Variants in ARHGAP25 observed in about 807,000 individuals in gnomAD.
The protein encoded by ARHGAP25 is Rho GTPase activating protein 25.
In ARHGAP25, 34 loss-of-function variants were observed where a neutral mutation model predicts 71.0. That is an observed-to-expected ratio of 0.48 (90% CI 0.36 to 0.64). The LOEUF (loss-of-function observed/expected upper bound fraction) is 0.64, where lower values mean the gene tolerates loss of function less well. ARHGAP25 is among the 30% of genes least tolerant of loss of function. The pLI, the probability that ARHGAP25 is intolerant of heterozygous loss-of-function variation, is 0.00. For synonymous variants in ARHGAP25, 282 were observed against 296.5 expected (o/e 0.95, Z 0.50); for missense variants, 706 against 805.1 (o/e 0.88, Z 1.49).
In ARHGAP25 at chr2:68,826,202, A is replaced by C; in HGVS notation, c.*8A>C. 1 of 1,613,284 alleles carries C rather than the reference A, an allele frequency of 6.2e-7. No homozygotes were observed. Among genetic ancestry groups the C allele is most frequent in the Non-Finnish European group, 8.5e-7 (1 of 1,179,184 alleles). On this transcript the variant is annotated 3_prime_UTR_variant, in exon 11 of 11. Transcript: ENST00000409202. ...CCCAAGACCGAGGCTTAAGGGTCCC[A>C]GGAGTACTGCAGGGACAGCCCCAGA... is the stretch of plus-strand genomic sequence containing the variant.
intron 1 of ARHGAP25, among the ~76,000 whole-genome samples, chr2:68,749,700 TA>T (rs1401749533): frequency 6.6e-6 from 1 of 152,140 alleles, no homozygotes; most frequent in Non-Finnish European, 1.5e-5. Flanking sequence ...TGGGGAGGTT[TA>T]AAAAAATTCA....
At chr2:68,753,857 G>A (rs1676323613) in intron 1 of ARHGAP25, among the ~76,000 whole-genome samples, 2 of 151,888 alleles carry the variant, frequency 1.3e-5, no homozygotes, top group South Asian at 4.1e-4. Flanking sequence ...TGCAATAAAT[G>A]TGAGCAAATG....
At chr2:68,736,474 C>T (rs1165076320) in intron 1 of ARHGAP25, among the ~76,000 whole-genome samples, 1 of 152,160 alleles carries the variant, frequency 6.6e-6, no homozygotes, top group Non-Finnish European at 1.5e-5. Flanking sequence ...TGGTTCTGTT[C>T]CTTTGAAAGT....
At position 68,751,021 on chromosome 2, in the gene ARHGAP25, T is replaced by C. The variant is rs114838735; in HGVS notation, c.61+15761T>C. The stretch of plus-strand genomic sequence containing the variant: ...CAGCTGACATTTATTTCACCCGCTT[T>C]AAGCACGAATTACCTGTGGAGTATC... On this transcript the variant is annotated intron_variant, in intron 1 of 10. Transcript: ENST00000409202. Among the ~76,000 whole-genome samples, 324 of 152,372 alleles carry C rather than the reference T, an allele frequency of 2.1e-3. 2 individuals carry two copies. The highest frequency in any genetic ancestry group is 7.1e-3 in the African/African-American group (296 of 41,594).
At chr2:68,818,980 G>C (rs1681436103) in intron 8 of ARHGAP25, 143 bp from the exon 9 acceptor site, 2 of 633,112 alleles carry the variant, frequency 3.2e-6, no homozygotes, top group South Asian at 5.7e-5. Context: ...CAATTAAAAA[G>C]GGTCTTTTGA....
intron 10 of ARHGAP25, among the ~76,000 whole-genome samples, chr2:68,824,797 G>A (rs1681994276): frequency 6.6e-6 from 1 of 152,128 alleles, no homozygotes; most frequent in African/African-American, 2.4e-5. Context: ...GCTTTAAGAA[G>A]AGATAGGTGG....
intron 4 of ARHGAP25, among the ~76,000 whole-genome samples, chr2:68,802,528 T>G (rs1409922657): frequency 2.0e-5 from 3 of 152,114 alleles, no homozygotes; most frequent in African/African-American, 7.2e-5. Flanking sequence ...GTACCTTGTA[T>G]TAATGGCTTT....
intron 1 of ARHGAP25, among the ~76,000 whole-genome samples, chr2:68,757,293 A>G (rs1196320786): frequency 6.6e-6 from 1 of 152,200 alleles, no homozygotes; most frequent in Admixed American, 6.5e-5. Context: ...TTGATGAAAG[A>G]CATGAATATA....
intron 3 of ARHGAP25, among the ~76,000 whole-genome samples, chr2:68,784,158 T>G (rs987712343): frequency 3.3e-5 from 5 of 151,896 alleles, no homozygotes; most frequent in Admixed American, 6.6e-5. Context: ...TCTCTCTCTT[T>G]CGCTCTCTCT....
intron 5 of ARHGAP25, among the ~76,000 whole-genome samples, chr2:68,812,446 G>A (rs756074614): frequency 6.6e-4 from 100 of 152,252 alleles, no homozygotes; most frequent in African/African-American, 1.7e-3. Flanking sequence ...ACGGGGAGGC[G>A]TCCTCTCCTC....
intron 8 of ARHGAP25, among the ~76,000 whole-genome samples, chr2:68,818,478 C>T (rs1172128291): frequency 6.6e-6 from 1 of 152,174 alleles, no homozygotes; most frequent in Non-Finnish European, 1.5e-5. Flanking sequence ...CAGGCATAAA[C>T]CCCCACACCC....
Position 68,826,824 on chromosome 2 carries a change from A to AC in ARHGAP25, c.*630_*631insC, listed in dbSNP as rs1682168743. 7.0e-6 allele frequency: 1 copy of AC among 142,170 alleles called. No homozygotes were observed. The allele number at this position is 142,170 out of a possible 1,614,324, so 8.8% of individuals were successfully genotyped here. On this transcript the variant is annotated 3_prime_UTR_variant, in exon 11 of 11. Transcript: ENST00000409202. Reference sequence around the variant, plus strand: ...ATTATATTCAAATAAAGCAAAAATTAAAAAAAAAAGGCTATTGCTAATCCA... The same window carrying AC: ...ATTATATTCAAATAAAGCAAAAATTACAAAAAAAAAGGCTATTGCTAATCCA...
chr2:68,775,059 C>CG (rs1168954189), intron 1 of ARHGAP25, 162 bp from the exon 2 acceptor site: 68 of 1,528,150 alleles, frequency 4.4e-5, no homozygotes, highest in Middle Eastern at 2.1e-4. Context: ...TTCTCTGGCT[C>CG]GGGGGGGACT....
At chr2:68,825,670 G>C (rs1191426456) in intron 10 of ARHGAP25, among the ~76,000 whole-genome samples, 1 of 152,052 alleles carries the variant, frequency 6.6e-6, no homozygotes, top group Non-Finnish European at 1.5e-5. Context: ...AGCTACTAGG[G>C]AGGCTGAGGA....
At chr2:68,821,095 T>TTC (rs1553411129) in intron 9 of ARHGAP25, among the ~76,000 whole-genome samples, 1 of 130,670 alleles carries the variant, frequency 7.7e-6, no homozygotes, top group African/African-American at 2.7e-5. Context: ...TTTCTTTCTT[T>TTC]TTTTTTTTTT....
chr2:68,775,816 A>G (rs1677855481), intron 2 of ARHGAP25: 1 of 391,488 alleles, frequency 2.6e-6, no homozygotes, highest in Non-Finnish European at 5.0e-6. Flanking sequence ...ACACTGTTCT[A>G]GGTACTTGAA....
Position 68,822,435 on chromosome 2 carries a change from C to T in ARHGAP25, c.1296C>T (p.Asp432=). The part of the protein sequence containing the change: ...SSKVPREKPG[D]WKMQSRKRTQ... ...AAGTACCCAGGGAAAAGCCAGGAGA[C>T]TGGAAAATGCAATCTCGTAAAAGGA... Residue 432 remains aspartate, a synonymous_variant, in exon 10 of 11, where the codon GAC becomes GAT. Coordinates refer to ENST00000409202, the MANE Select transcript of ARHGAP25 (RefSeq NM_001007231.3). 1 of 1,614,146 alleles carries T rather than the reference C, an allele frequency of 6.2e-7. No individual in the cohort carries two copies. Among genetic ancestry groups the T allele is most frequent in the Middle Eastern group, 1.6e-4 (1 of 6,062 alleles).
intron 4 of ARHGAP25, among the ~76,000 whole-genome samples, chr2:68,796,158 G>A (rs527918151): frequency 1.3e-5 from 2 of 152,054 alleles, no homozygotes; most frequent in South Asian, 4.1e-4. Context: ...TCCAATAAAT[G>A]TATTTTGTTC....
chr2:68,815,369 A>T (rs1459877200), intron 6 of ARHGAP25, among the ~76,000 whole-genome samples: 1 of 144,078 alleles, frequency 6.9e-6, no homozygotes, highest in African/African-American at 2.5e-5. Context: ...ACAAGGCTGG[A>T]GGGTGCGTTT....
Sources: gnomAD v4.1 joint callset for allele counts (sites outside exome capture counted in the v4.1 genomes callset) on GRCh38, gnomAD v4.1.1 for gene constraint, MANE v1.5 for transcripts, NCBI Gene and HGNC (gene_info 2026-07-23, HGNC 2026-07-21) for gene names.